Variants in ARID3C observed in about 807,000 individuals in gnomAD.
The protein encoded by ARID3C is AT-rich interactive domain-containing protein 3C.
Under a neutral mutation model 37.9 loss-of-function variants are expected in ARID3C, and 42 were observed. The observed-to-expected ratio is 1.11, with a 90% CI of 0.87 to 1.43. The LOEUF (loss-of-function observed/expected upper bound fraction) is 1.43. Ranked by LOEUF, ARID3C falls within the 40% of genes most tolerant of loss-of-function variation. ARID3C has a pLI of 0.00. For synonymous variants in ARID3C, 213 were observed against 228.0 expected (o/e 0.93, Z 0.59); for missense variants, 581 against 548.8 (o/e 1.06, Z -0.59).
chr9:34,623,881 G>A, exon 3 of ARID3C: 1 of 1,598,172 alleles, frequency 6.3e-7, no homozygotes, highest in Non-Finnish European at 8.5e-7. Context: ...GTAGAGTGAA[G>A]GCGGCCGAGG....
chr9:34,629,043 G>A (rs960290430), upstream of ARID3C, among the ~76,000 whole-genome samples: 4 of 152,006 alleles, frequency 2.6e-5, no homozygotes, highest in Non-Finnish European at 5.9e-5. Flanking sequence ...CTCCTCTGGC[G>A]GCTGTGCGCT....
In ARID3C at chr9:34,621,496, G is replaced by A. The variant is rs1262681590; in HGVS notation, c.1201C>T (p.Pro401Ser). ...CTGGAAGGGGGCCCTGTGGAGGGTGGGGGTGCAGGGTTGGTTGGACCCTGG... is the reference window on the plus strand; with the variant it reads ...CTGGAAGGGGGCCCTGTGGAGGGTGAGGGTGCAGGGTTGGTTGGACCCTGG... The change falls in exon 7 of 7, where the codon CCA becomes TCA. Residue 401 changes from proline to serine, a missense_variant. Transcript: ENST00000378909. 6.5e-7 allele frequency: 1 copy of A among 1,540,126 alleles called. No homozygotes were observed.
chr9:34,631,328 G>A (rs558595588), upstream of ARID3C, among the ~76,000 whole-genome samples: 11 of 152,296 alleles, frequency 7.2e-5, no homozygotes, highest in Non-Finnish European at 1.5e-4. Context: ...TCTGGGCCAG[G>A]AGGGCTACAA....
chr9:34,625,782 C>T (rs1820647055), exon 2 of ARID3C: 2 of 1,614,012 alleles, frequency 1.2e-6, no homozygotes, highest in South Asian at 2.2e-5. Flanking sequence ...CCAGAAATTC[C>T]TTCCTCTTGG....
upstream of ARID3C, chr9:34,628,125 C>A: frequency 2.2e-6 from 3 of 1,357,532 alleles, no homozygotes; most frequent in Non-Finnish European, 2.9e-6. The surrounding 1 kb of genome is among the most constrained non-coding windows in gnomAD (Gnocchi z 5.2). Context: ...GCCCTACTGC[C>A]CCCAGAGCCC....
At chr9:34,624,746 C>T (rs1820631949) in intron 2 of ARID3C, among the ~76,000 whole-genome samples, 1 of 152,234 alleles carries the variant, frequency 6.6e-6, no homozygotes, top group African/African-American at 2.4e-5. Context: ...GCCTTTGGAC[C>T]CGAACAATTA....
exon 3 of ARID3C, chr9:34,623,882 G>A: frequency 6.3e-7 from 1 of 1,598,774 alleles, no homozygotes; most frequent in Non-Finnish European, 8.5e-7. Flanking sequence ...TAGAGTGAAG[G>A]CGGCCGAGGT....
exon 7 of ARID3C, chr9:34,621,546 G>T: frequency 6.4e-7 from 1 of 1,573,450 alleles, no homozygotes; most frequent in Non-Finnish European, 8.6e-7. Context: ...CTGGCGGCGG[G>T]CAAAGAGGAC....
rs368348377 is a variant in ARID3C at position 34,628,064 on chromosome 9, C to A, written c.-50G>T. The A allele has an allele frequency of 1.4e-6, 2 of 1,443,188 alleles. No individual in the cohort carries two copies. The highest frequency in any genetic ancestry group is 1.8e-6 in the Non-Finnish European group (2 of 1,100,204). The allele number at this position is 1,443,188 out of a possible 1,614,324, so 89.4% of individuals were successfully genotyped here. A position where few individuals can be genotyped will look rare whatever the true frequency, so the allele number is the denominator to read the frequency against. On this transcript the variant is annotated 5_prime_UTR_variant, in exon 1 of 7. Transcript: ENST00000378909. This position sits in a 1 kb window ranked among gnomAD's most constrained non-coding sequence, Gnocchi z 5.2. ...AGCTGAGGGGGTCCCTGGTACCAGGCGGGACCCCGAGGAAAGGGCCGCCTG... is the reference window on the plus strand; with the variant it reads ...AGCTGAGGGGGTCCCTGGTACCAGGAGGGACCCCGAGGAAAGGGCCGCCTG...
At chr9:34,623,120 T>C (rs1587214807) in intron 4 of ARID3C, among the ~76,000 whole-genome samples, 1 of 128,384 alleles carries the variant, frequency 7.8e-6, no homozygotes, top group South Asian at 2.4e-4. Context: ...CACTCCAGCC[T>C]GGGCGACGGA....
chr9:34,623,572 G>A (rs1000284556), exon 4 of ARID3C: 1 of 1,606,594 alleles, frequency 6.2e-7, no homozygotes, highest in South Asian at 1.1e-5. Context: ...CGAGGGGGCG[G>A]CCCTGCCAAG....
upstream of ARID3C, among the ~76,000 whole-genome samples, chr9:34,632,500 T>C (rs115007045): frequency 0.02 from 3,023 of 152,240 alleles, 97 homozygotes; most frequent in African/African-American, 0.07. Context: ...TCTGACTGGC[T>C]GCTGCGTGGA....
In ARID3C at chr9:34,622,799, A is replaced by G. The variant is rs182583130; in HGVS notation, c.866-270T>C. ...ATCCAGGTCACAAGAGGCACAAACT[A>G]TATGCAAATAGGAGCACTGGGTGGA... On this transcript the variant is annotated intron_variant, in intron 4 of 6. Transcript: ENST00000378909. Among the ~76,000 whole-genome samples, 453 of 152,302 alleles carry G rather than the reference A, an allele frequency of 3.0e-3. 2 individuals carry two copies. The highest frequency in any genetic ancestry group is 4.4e-3 in the Non-Finnish European group (300 of 68,024).
chr9:34,627,723 A>T, exon 1 of ARID3C: 1 of 1,612,932 alleles, frequency 6.2e-7, no homozygotes, highest in East Asian at 2.2e-5. Flanking sequence ...TCGTAGGTCC[A>T]CTCGTGGGGA....
Position 34,622,536 on chromosome 9 carries a change from G to A in ARID3C, c.866-7C>T, listed in dbSNP as rs1203797780. The A allele has an allele frequency of 7.5e-6, 12 of 1,591,940 alleles. No homozygotes were observed. Among genetic ancestry groups the A allele is most frequent in the Non-Finnish European group, 1.0e-5 (12 of 1,169,184 alleles). On this transcript the variant is annotated splice_region_variant and splice_polypyrimidine_tract_variant and intron_variant, in intron 4 of 6. Coordinates refer to ENST00000378909, the Ensembl canonical transcript of ARID3C. ...TTTGGAATTCCACTCTCCTCTAGAA[G>A]AACAGGTTATTCAGCTCCCCTGGCC...
exon 1 of ARID3C, chr9:34,627,876 T>C: frequency 6.3e-7 from 1 of 1,576,046 alleles, no homozygotes; most frequent in Non-Finnish European, 8.6e-7. Flanking sequence ...GCCCCAACAT[T>C]CCCCAAGGCC....
At chr9:34,622,947 A>T (rs13294896) in intron 4 of ARID3C, among the ~76,000 whole-genome samples, 61,009 of 151,532 alleles carry the variant, frequency 0.4, 13,565 homozygotes, top group East Asian at 0.53. Flanking sequence ...GGAGATCGAG[A>T]CCATCCTGGC....
intron 3 of ARID3C, 72 bp downstream of exon 4, chr9:34,623,792 G>A: frequency 6.0e-6 from 9 of 1,502,812 alleles, no homozygotes; most frequent in East Asian, 2.5e-5. Context: ...ACGCCCGCCC[G>A]GGGACCCTCC....
chr9:34,630,849 A>T (rs1820716837), upstream of ARID3C, among the ~76,000 whole-genome samples: 1 of 151,988 alleles, frequency 6.6e-6, no homozygotes, highest in African/African-American at 2.4e-5. Context: ...CTCTGAGCCC[A>T]TCAGAACCCC....
Sources: allele counts gnomAD v4.1 joint callset (sites outside exome capture counted in the v4.1 genomes callset), GRCh38; gene constraint gnomAD v4.1.1; non-coding constraint Gnocchi (gnomAD v3.1); transcripts MANE v1.5; gene names NCBI Gene and HGNC (gene_info 2026-07-23, HGNC 2026-07-21).